SORCS2: variants seen among roughly 807,000 people sequenced by gnomAD.
SORCS2 encodes sortilin related VPS10 domain containing receptor 2.
Under a neutral mutation model 141.6 loss-of-function variants are expected in SORCS2, and 100 were observed. That is an observed-to-expected ratio of 0.71 (90% CI 0.60 to 0.83). SORCS2 has a LOEUF of 0.83. Among genes scored for constraint, SORCS2 ranks in the 40% least tolerant of loss-of-function variants. The probability of loss-of-function intolerance (pLI) is 0.00; values close to 1 mark genes in which losing one functional copy is unlikely to be tolerated. For synonymous variants in SORCS2, 789 were observed against 676.9 expected, an observed-to-expected ratio of 1.17 and a Z score of -2.57; for missense variants, 1,646 against 1,560.2, an observed-to-expected ratio of 1.05 and a Z score of -0.93.
intron 2 of SORCS2, among the ~76,000 whole-genome samples, chr4:7,452,588 T>G (rs553058231): frequency 6.6e-6 from 1 of 152,380 alleles, no homozygotes; most frequent in South Asian, 2.1e-4. Flanking sequence ...GCTCTCCTGC[T>G]GACTCCTGGA....
intron 3 of SORCS2, among the ~76,000 whole-genome samples, chr4:7,607,608 G>A (rs538889724): frequency 1.3e-5 from 2 of 152,298 alleles, no homozygotes; most frequent in East Asian, 3.9e-4. Flanking sequence ...TGGGGCTCAT[G>A]GAAGGAAGCA....
intron 1 of SORCS2, among the ~76,000 whole-genome samples, chr4:7,386,211 ACG>A (rs1723296953): frequency 1.9e-5 from 2 of 102,584 alleles, no homozygotes; most frequent in South Asian, 7.5e-4. Flanking sequence ...ATTTGCACAC[ACG>A]CACACACATG....
intron 3 of SORCS2, among the ~76,000 whole-genome samples, chr4:7,599,331 T>G (rs1156790312): frequency 6.6e-6 from 1 of 152,126 alleles, no homozygotes; most frequent in Non-Finnish European, 1.5e-5. Context: ...GTGGCGGTGA[T>G]CCACGTGCCA....
chr4:7,236,373 G>T (rs780094962), intron 1 of SORCS2, among the ~76,000 whole-genome samples: 1 of 152,162 alleles, frequency 6.6e-6, no homozygotes, highest in Non-Finnish European at 1.5e-5. Context: ...TGGGGCAGGA[G>T]TGTGTTGCCA....
intron 1 of SORCS2, among the ~76,000 whole-genome samples, chr4:7,387,772 GCA>G (rs1456165467): frequency 4.3e-4 from 42 of 97,596 alleles, no homozygotes; most frequent in Admixed American, 1.1e-3. Context: ...ATACACACAT[GCA>G]CACACACATA....
At chr4:7,461,557 CAG>C (rs1276833857) in intron 2 of SORCS2, among the ~76,000 whole-genome samples, 1 of 152,232 alleles carries the variant, frequency 6.6e-6, no homozygotes, top group Non-Finnish European at 1.5e-5. Flanking sequence ...ACATCCCACA[CAG>C]AAAATTTCCA....
chr4:7,647,825 C>G (rs115866035), intron 4 of SORCS2, among the ~76,000 whole-genome samples: 2,562 of 152,330 alleles, frequency 0.017, 59 homozygotes, highest in African/African-American at 0.058. Flanking sequence ...ATCTGCTCAT[C>G]CTCAGGGAAC....
At chr4:7,638,898 T>C (rs1240026924) in intron 4 of SORCS2, among the ~76,000 whole-genome samples, 1 of 152,216 alleles carries the variant, frequency 6.6e-6, no homozygotes, top group East Asian at 1.9e-4. Context: ...CAGTGTGGAA[T>C]GTTCTTCTCC....
intron 1 of SORCS2, among the ~76,000 whole-genome samples, chr4:7,285,692 C>T (rs1018904595): frequency 3.3e-5 from 5 of 152,230 alleles, no homozygotes; most frequent in African/African-American, 1.2e-4. Context: ...CCTGGGGCCT[C>T]GTTCTTCCTT....
rs185198888 is a variant in SORCS2, at chr4:7,607,406, A to G, written c.649-30922A>G. 2.4e-3 allele frequency among the ~76,000 whole-genome samples: 366 copies of G among 152,108 alleles called. 1 individual carries two copies. Among genetic ancestry groups the G allele is most frequent in the African/African-American group, 8.2e-3 (340 of 41,510 alleles). ...TTTTTGTTCTGCAGCCTGCCCCGCC[A>G]CCTTCCAGATTCAACGCCTACCACT... On this transcript the variant is annotated intron_variant, in intron 3 of 26. Transcript: ENST00000507866.
chr4:7,581,254 A>T (rs554651777), intron 3 of SORCS2, among the ~76,000 whole-genome samples: 14 of 151,846 alleles, frequency 9.2e-5, no homozygotes, highest in Non-Finnish European at 1.8e-4. Context: ...ATTCTAATTA[A>T]TACATGAAAA....
At chr4:7,380,740 A>T (rs1270109278) in intron 1 of SORCS2, among the ~76,000 whole-genome samples, 2 of 152,240 alleles carry the variant, frequency 1.3e-5, no homozygotes, top group Non-Finnish European at 2.9e-5. Context: ...GATGACAAGT[A>T]ATGTTTGTTT....
At position 7,664,307 on chromosome 4, in the gene SORCS2, C is replaced by T; in HGVS notation, c.953-46C>T. 6.5e-7 allele frequency: 1 copy of T among 1,527,488 alleles called. No homozygotes were observed. Among genetic ancestry groups the T allele is most frequent in the Non-Finnish European group, 9.0e-7 (1 of 1,110,400 alleles). The allele number at this position is 1,527,488 out of a possible 1,614,324, so 94.6% of individuals were successfully genotyped here. Reference sequence around the variant, plus strand: ...AGCACATGTCTCGGGCCGTCTCTGGCTCCGGCTGGAGTCTGACCGCCTGGG... The same window carrying T: ...AGCACATGTCTCGGGCCGTCTCTGGTTCCGGCTGGAGTCTGACCGCCTGGG... On this transcript the variant is annotated intron_variant, in intron 6 of 26. Transcript: ENST00000507866. The surrounding 1 kb of genome is among the most constrained non-coding windows in gnomAD (Gnocchi z 4.7).
intron 10 of SORCS2, among the ~76,000 whole-genome samples, chr4:7,685,882 A>C (rs907102499): frequency 6.6e-6 from 1 of 152,208 alleles, no homozygotes; most frequent in African/African-American, 2.4e-5. Flanking sequence ...CTTAGCGCTC[A>C]TAAAAGTGAT....
chr4:7,737,775 G>A (rs1712314821), intron 26 of SORCS2, among the ~76,000 whole-genome samples: 1 of 152,194 alleles, frequency 6.6e-6, no homozygotes, highest in Admixed American at 6.5e-5. Flanking sequence ...CTGGTGTCTG[G>A]GAGCTGACTG....
chr4:7,345,298 T>C (rs1720594590), intron 1 of SORCS2, among the ~76,000 whole-genome samples: 1 of 152,160 alleles, frequency 6.6e-6, no homozygotes, highest in Admixed American at 6.5e-5. Context: ...AGACCAATAT[T>C]AAGCATAGAA....
At chr4:7,737,773 TG>T (rs1456929354) in intron 26 of SORCS2, among the ~76,000 whole-genome samples, 2 of 152,214 alleles carry the variant, frequency 1.3e-5, no homozygotes, top group Admixed American at 6.5e-5. Flanking sequence ...TTCTGGTGTC[TG>T]GGAGCTGACT....
At chr4:7,579,499 G>A (rs1008343937) in intron 3 of SORCS2, among the ~76,000 whole-genome samples, 7 of 152,116 alleles carry the variant, frequency 4.6e-5, no homozygotes, top group African/African-American at 1.2e-4. Context: ...GCCATCAAGT[G>A]GAGGAGCCAG....
chr4:7,495,187 A>G (rs181479230), intron 2 of SORCS2, among the ~76,000 whole-genome samples: 4 of 152,194 alleles, frequency 2.6e-5, no homozygotes, highest in African/African-American at 9.7e-5. Flanking sequence ...CGCTTGCCCC[A>G]GACTAAATGC....
Sources: allele counts gnomAD v4.1 joint callset (sites outside exome capture counted in the v4.1 genomes callset), GRCh38; gene constraint gnomAD v4.1.1; non-coding constraint Gnocchi (gnomAD v3.1); transcripts MANE v1.5; gene names NCBI Gene and HGNC (gene_info 2026-07-23, HGNC 2026-07-21).